DNAJC24: variants seen among roughly 807,000 people sequenced by gnomAD.
DNAJC24 encodes dnaJ homolog subfamily C member 24.
A neutral mutation model predicts 18.0 loss-of-function variants in DNAJC24; 17 were observed. That is an observed-to-expected ratio of 0.94 (90% CI 0.65 to 1.42). The LOEUF (loss-of-function observed/expected upper bound fraction) is 1.42. Among genes scored for constraint, DNAJC24 ranks in the 40% most tolerant of loss-of-function variants. DNAJC24 has a pLI of 0.00. For missense variants in DNAJC24, 158 were observed against 175.6 expected (o/e 0.90, Z 0.57); for synonymous variants, 55 against 57.7 (o/e 0.95, Z 0.21).
At chr11:31,389,418 A>T (rs1199015125) in intron 2 of DNAJC24, among the ~76,000 whole-genome samples, 1 of 152,234 alleles carries the variant, frequency 6.6e-6, no homozygotes, top group Non-Finnish European at 1.5e-5. Context: ...AGACAAGGTC[A>T]TATAGTGATA....
rs1952915262 is a variant in DNAJC24 at position 31,430,823 on chromosome 11, A to T, written c.*422A>T. On this transcript the variant is annotated 3_prime_UTR_variant, in exon 5 of 5. Transcript: ENST00000465995. ...AGTTATGGGGCTGTTGTACACCTAGAATCTTTGTGAATAATGTGAGGCCAG... is the reference window on the plus strand; with the variant it reads ...AGTTATGGGGCTGTTGTACACCTAGTATCTTTGTGAATAATGTGAGGCCAG... The T allele has an allele frequency of 6.6e-6, 1 of 152,626 alleles. No individual in the cohort carries two copies. The highest frequency in any genetic ancestry group is 1.5e-5 in the Non-Finnish European group (1 of 68,092). The allele number at this position is 152,626 out of a possible 1,614,324, so 9.5% of individuals were successfully genotyped here.
At chr11:31,399,843 A>G (rs1158175693) in intron 2 of DNAJC24, among the ~76,000 whole-genome samples, 1 of 142,800 alleles carries the variant, frequency 7.0e-6, no homozygotes, top group Admixed American at 7.4e-5. Flanking sequence ...TGCTGCACCT[A>G]TCAACTCATC....
chr11:31,430,132 C>G, intron 4 of DNAJC24, 139 bp from the exon 5 acceptor site: 1 of 703,336 alleles, frequency 1.4e-6, no homozygotes, highest in East Asian at 3.1e-5. Flanking sequence ...ATCCAGTTCT[C>G]CTTTAAATAC....
chr11:31,399,478 G>T (rs182145219), intron 2 of DNAJC24, among the ~76,000 whole-genome samples: 1 of 147,200 alleles, frequency 6.8e-6, no homozygotes, highest in Non-Finnish European at 1.5e-5. Context: ...ACAGTGGCAC[G>T]ATCTCAGCTC....
At chr11:31,418,114 C>T (rs1952767850) in intron 3 of DNAJC24, among the ~76,000 whole-genome samples, 1 of 152,058 alleles carries the variant, frequency 6.6e-6, no homozygotes, top group Non-Finnish European at 1.5e-5. Flanking sequence ...GCAATGTTAA[C>T]TCTGAATTTA....
At chr11:31,407,725 A>ATATATATAT (rs1952670275) in intron 2 of DNAJC24, among the ~76,000 whole-genome samples, 1 of 145,370 alleles carries the variant, frequency 6.9e-6, no homozygotes, top group Non-Finnish European at 1.5e-5. Context: ...ATATATATAT[A>ATATATATAT]AAATTTTTCA....
intron 2 of DNAJC24, among the ~76,000 whole-genome samples, chr11:31,413,907 A>G (rs1433205401): frequency 6.6e-6 from 1 of 152,186 alleles, no homozygotes; most frequent in Non-Finnish European, 1.5e-5. Context: ...AAAGCAAATG[A>G]CATATTGATC....
chr11:31,382,328 A>G (rs1310183011), intron 2 of DNAJC24, among the ~76,000 whole-genome samples: 1 of 152,156 alleles, frequency 6.6e-6, no homozygotes, highest in Admixed American at 6.6e-5. Flanking sequence ...CAACACAATA[A>G]TACCTACCTC....
At chr11:31,377,207 G>A (rs2133467643) in intron 2 of DNAJC24, among the ~76,000 whole-genome samples, 1 of 152,202 alleles carries the variant, frequency 6.6e-6, no homozygotes, top group Admixed American at 6.5e-5. Context: ...ACAATTAGGT[G>A]TTTAGATAAA....
intron 2 of DNAJC24, among the ~76,000 whole-genome samples, chr11:31,394,144 A>C (rs1296900748): frequency 1.3e-5 from 2 of 152,186 alleles, no homozygotes; most frequent in Non-Finnish European, 2.9e-5. Flanking sequence ...TCTTGCTCTT[A>C]GGAACACTAA....
chr11:31,371,694 AGTTT>A (rs1201284100), intron 2 of DNAJC24, among the ~76,000 whole-genome samples: 1 of 151,994 alleles, frequency 6.6e-6, no homozygotes, highest in Non-Finnish European at 1.5e-5. Context: ...CACATATCAA[AGTTT>A]GTTTCTCTTG....
At chr11:31,396,110 C>T (rs555486993) in intron 2 of DNAJC24, among the ~76,000 whole-genome samples, 21 of 152,302 alleles carry the variant, frequency 1.4e-4, no homozygotes, top group African/African-American at 4.3e-4. Flanking sequence ...GTCTTCTAAA[C>T]GGTGACTACC....
chr11:31,430,041 A>G (rs1952904439), intron 4 of DNAJC24, among the ~76,000 whole-genome samples: 2 of 152,216 alleles, frequency 1.3e-5, no homozygotes, highest in African/African-American at 4.8e-5. Context: ...TTGGACTTTT[A>G]ATTCATAGCT....
chr11:31,388,654 G>C (rs1429116559), intron 2 of DNAJC24, among the ~76,000 whole-genome samples: 1 of 152,134 alleles, frequency 6.6e-6, no homozygotes, highest in Non-Finnish European at 1.5e-5. Flanking sequence ...ACATTAATGA[G>C]CAATAAGAAA....
intron 3 of DNAJC24, among the ~76,000 whole-genome samples, chr11:31,423,301 C>T (rs1952827127): frequency 6.6e-6 from 1 of 152,198 alleles, no homozygotes; most frequent in Non-Finnish European, 1.5e-5. Flanking sequence ...CGCTCTGTCA[C>T]CCAGGCTGGA....
chr11:31,389,004 T>C (rs1365480290), intron 2 of DNAJC24, among the ~76,000 whole-genome samples: 2 of 151,752 alleles, frequency 1.3e-5, no homozygotes, highest in African/African-American at 2.4e-5. Flanking sequence ...TCAAAAAACA[T>C]ACAATGGCTA....
chr11:31,416,792 A>G (rs1952754898), intron 3 of DNAJC24: 1 of 152,170 alleles, frequency 6.6e-6, no homozygotes, highest in Non-Finnish European at 1.5e-5. Context: ...AGAGAATTGC[A>G]TGAAGAAAGA....
Position 31,414,873 on chromosome 11 carries a change from G to C in DNAJC24, c.174G>C (p.Lys58Asn), listed in dbSNP as rs1952739266. 2 of 1,614,022 alleles carry C rather than the reference G, an allele frequency of 1.2e-6. No individual in the cohort carries two copies. The highest frequency in any genetic ancestry group is 1.7e-6 in the Non-Finnish European group (2 of 1,179,956). The change falls in exon 3 of 5, where the codon AAG (lysine) becomes AAC (asparagine). Residue 58 changes from lysine to asparagine, a missense_variant. Lys to Asn is a moderately conservative substitution (Grantham distance 94, BLOSUM62 0). Transcript: ENST00000465995. ...PAGTVEECVQ[K>N]FIEIDQAWKI... is the part of the protein sequence containing the mutation. ...GAACAGTGGAGGAATGTGTACAGAAGTTCATCGAAATTGATCAAGCATGGA... is the reference window on the plus strand; with the variant it reads ...GAACAGTGGAGGAATGTGTACAGAACTTCATCGAAATTGATCAAGCATGGA...
chr11:31,398,233 G>A (rs1183235405), intron 2 of DNAJC24, among the ~76,000 whole-genome samples: 2 of 147,408 alleles, frequency 1.4e-5, no homozygotes, highest in African/African-American at 2.5e-5. Flanking sequence ...TTTTTTCCCT[G>A]TCAGTATTAA....
Sources: gnomAD v4.1 joint callset for allele counts (sites outside exome capture counted in the v4.1 genomes callset) on GRCh38, gnomAD v4.1.1 for gene constraint, MANE v1.5 for transcripts, NCBI Gene and HGNC (gene_info 2026-07-23, HGNC 2026-07-21) for gene names.